Variants in TMEM131L observed in about 807,000 individuals in gnomAD.
TMEM131L encodes the protein transmembrane protein 131-like.
A neutral mutation model predicts 192.2 loss-of-function variants in TMEM131L; 54 were observed. The observed-to-expected ratio is 0.28, with a 90% confidence interval of 0.23 to 0.35. TMEM131L has a LOEUF of 0.35. TMEM131L is among the 10% of genes least tolerant of loss of function. The pLI is 1.00. For synonymous variants in TMEM131L, 701 were observed against 704.9 expected, an observed-to-expected ratio of 0.99 and a Z score of 0.09; for missense variants, 1,888 against 1,972.9, an observed-to-expected ratio of 0.96 and a Z score of 0.82.
At chr4:153,583,505 A>T (rs552866877) in intron 10 of TMEM131L, 59 bp from the exon 11 acceptor site, 17 of 1,167,674 alleles carry the variant, frequency 1.5e-5, no homozygotes, top group Non-Finnish European at 2.2e-5. Context: ...GGTTCATTCA[A>T]ACTGGATAAA....
chr4:153,498,863 C>T (rs1288837578), intron 3 of TMEM131L, among the ~76,000 whole-genome samples: 2 of 152,160 alleles, frequency 1.3e-5, no homozygotes, highest in African/African-American at 4.8e-5. Flanking sequence ...GCAGTTATAT[C>T]AACTTAGAGC....
At chr4:153,537,812 G>A (rs1012555879) in intron 3 of TMEM131L, among the ~76,000 whole-genome samples, 3 of 152,216 alleles carry the variant, frequency 2.0e-5, no homozygotes, top group Admixed American at 6.5e-5. Flanking sequence ...TTAAGATGGA[G>A]TTGCTCTGGT....
At chr4:153,495,081 C>T (rs765161474) in intron 3 of TMEM131L, among the ~76,000 whole-genome samples, 9 of 152,108 alleles carry the variant, frequency 5.9e-5, no homozygotes, top group Non-Finnish European at 1.3e-4. Context: ...ATTGGGAGGC[C>T]GAGGCGGTGG....
intron 3 of TMEM131L, among the ~76,000 whole-genome samples, chr4:153,480,238 C>T (rs1028254534): frequency 6.6e-5 from 10 of 152,304 alleles, no homozygotes; most frequent in African/African-American, 2.4e-4. Context: ...GCTTGGGAGG[C>T]TGAGGCAGGA....
chr4:153,626,258 G>C (rs373389887), intron 30 of TMEM131L, 33 bp downstream of exon 30: 30 of 1,351,100 alleles, frequency 2.2e-5, no homozygotes, highest in Non-Finnish European at 3.1e-5. Context: ...TTTACAGTAT[G>C]TTTTGTGTAC....
At chr4:153,521,767 G>A (rs747987556) in intron 3 of TMEM131L, among the ~76,000 whole-genome samples, 2 of 151,928 alleles carry the variant, frequency 1.3e-5, no homozygotes, top group Non-Finnish European at 2.9e-5. Context: ...TTCATAGGAG[G>A]GAGAATCATA....
chr4:153,494,400 G>A, intron 3 of TMEM131L, among the ~76,000 whole-genome samples: 1 of 152,176 alleles, frequency 6.6e-6, no homozygotes, highest in Non-Finnish European at 1.5e-5. Context: ...ACAGAGAAAG[G>A]TGTTTATGAT....
intron 3 of TMEM131L, among the ~76,000 whole-genome samples, chr4:153,486,954 G>C (rs756787366): frequency 6.6e-6 from 1 of 152,180 alleles, no homozygotes; most frequent in East Asian, 1.9e-4. Context: ...AGAAATGAGC[G>C]GTCTAGGGCA....
intron 3 of TMEM131L, among the ~76,000 whole-genome samples, chr4:153,497,616 C>T (rs1733267868): frequency 1.3e-5 from 2 of 152,114 alleles, no homozygotes; most frequent in Non-Finnish European, 2.9e-5. Flanking sequence ...GTCTGCATTT[C>T]AGGTAAAGCG....
chr4:153,591,764 G>C (rs894437231), intron 17 of TMEM131L, among the ~76,000 whole-genome samples: 1 of 152,146 alleles, frequency 6.6e-6, no homozygotes, highest in Non-Finnish European at 1.5e-5. Context: ...GATTTTCTTA[G>C]GGATGACATC....
intron 7 of TMEM131L, among the ~76,000 whole-genome samples, chr4:153,577,251 G>A (rs185988345): frequency 3.9e-5 from 6 of 152,282 alleles, no homozygotes; most frequent in East Asian, 1.9e-4. Flanking sequence ...GTTTTATAGC[G>A]ACAGCAGAGG....
At chr4:153,575,946 T>C (rs1337955808) in intron 7 of TMEM131L, among the ~76,000 whole-genome samples, 1 of 151,904 alleles carries the variant, frequency 6.6e-6, no homozygotes, top group African/African-American at 2.4e-5. Context: ...ATCAAGTTAA[T>C]ATTGCTATTG....
Position 153,558,377 on chromosome 4 carries a change from A to G in TMEM131L, c.660+9A>G, listed in dbSNP as rs574740786. The G allele has an allele frequency of 4.5e-6, 7 of 1,540,090 alleles. No individual in the cohort carries two copies. Among genetic ancestry groups the G allele is most frequent in the African/African-American group, 1.4e-5 (1 of 73,698 alleles). On this transcript the variant is annotated intron_variant, in intron 7 of 34. Transcript: ENST00000409959. The stretch of plus-strand genomic sequence containing the variant: ...AGCTGTCTCAAATGCAGGTCATTTT[A>G]ATAGATTTACTTTGAATGCTGGTGG...
At chr4:153,618,537 G>T (rs910025826) in intron 26 of TMEM131L, among the ~76,000 whole-genome samples, 1 of 149,394 alleles carries the variant, frequency 6.7e-6, no homozygotes, top group African/African-American at 2.5e-5. Flanking sequence ...TAATGATGAC[G>T]ATAACTAAGT....
intron 3 of TMEM131L, among the ~76,000 whole-genome samples, chr4:153,481,346 G>A (rs74858973): frequency 0.044 from 6,646 of 152,228 alleles, 339 homozygotes; most frequent in African/African-American, 0.12. Flanking sequence ...GTGAAGAGCT[G>A]AAGGAATGGG....
chr4:153,483,681 G>A (rs1388066784), intron 3 of TMEM131L, among the ~76,000 whole-genome samples: 1 of 152,048 alleles, frequency 6.6e-6, no homozygotes, highest in East Asian at 1.9e-4. Flanking sequence ...TGACAGAGAG[G>A]CCCTATCTCT....
intron 7 of TMEM131L, among the ~76,000 whole-genome samples, chr4:153,570,929 G>A (rs980617605): frequency 1.3e-5 from 2 of 152,138 alleles, no homozygotes; most frequent in Non-Finnish European, 2.9e-5. Flanking sequence ...TTCTGTGTTA[G>A]TCGGCTGTTC....
intron 9 of TMEM131L, 63 bp downstream of exon 9, chr4:153,581,623 A>G: frequency 8.9e-7 from 1 of 1,126,348 alleles, no homozygotes; most frequent in East Asian, 2.7e-5. Context: ...ATTCTATAGC[A>G]TTTATGAACA....
chr4:153,594,394 T>C (rs1366674226), intron 19 of TMEM131L, among the ~76,000 whole-genome samples: 1 of 152,152 alleles, frequency 6.6e-6, no homozygotes, highest in African/African-American at 2.4e-5. Context: ...GGAGTAAACA[T>C]GTCATGTGGT....
Sources: allele counts gnomAD v4.1 joint callset (sites outside exome capture counted in the v4.1 genomes callset), GRCh38; gene constraint gnomAD v4.1.1; transcripts MANE v1.5; gene names NCBI Gene and HGNC (gene_info 2026-07-23, HGNC 2026-07-21).